SLC39A9: variants seen among roughly 807,000 people sequenced by gnomAD.
SLC39A9 encodes solute carrier family 39 member 9, also known as zinc transporter ZIP9.
Under a neutral mutation model 28.4 loss-of-function variants are expected in SLC39A9, and 14 were observed. The ratio of observed to expected loss-of-function variants is 0.49; its 90% confidence interval spans 0.33 to 0.77. The LOEUF is 0.77. Ranked by LOEUF, SLC39A9 falls within the 30% of genes least tolerant of loss-of-function variation. SLC39A9 has a pLI of 0.02. For synonymous variants in SLC39A9, 119 were observed against 149.6 expected, an observed-to-expected ratio of 0.80 and a Z score of 1.49; for missense variants, 283 against 381.1, an observed-to-expected ratio of 0.74 and a Z score of 2.14.
At chr14:69,448,269 A>AC (rs1442973970) in intron 3 of SLC39A9, among the ~76,000 whole-genome samples, 5 of 151,846 alleles carry the variant, frequency 3.3e-5, no homozygotes, top group Admixed American at 6.6e-5. Context: ...TTGAGCAGCA[A>AC]CCCAAAAGAC....
chr14:69,433,922 C>T (rs11624753), intron 2 of SLC39A9, among the ~76,000 whole-genome samples: 28,453 of 151,786 alleles, frequency 0.19, 2,800 homozygotes, highest in South Asian at 0.26. Flanking sequence ...GTAGCTGAAA[C>T]TACAGGCATG....
intron 3 of SLC39A9, among the ~76,000 whole-genome samples, chr14:69,445,709 C>T (rs1594942514): frequency 6.6e-6 from 1 of 152,228 alleles, no homozygotes; most frequent in East Asian, 1.9e-4. Context: ...TTATTAACTG[C>T]ATGGGGTGAG....
At chr14:69,400,229 C>T (rs1338608452) in intron 1 of SLC39A9, among the ~76,000 whole-genome samples, 1 of 152,200 alleles carries the variant, frequency 6.6e-6, no homozygotes, top group East Asian at 1.9e-4. Flanking sequence ...TTGTTCTTAA[C>T]TCACATTTCC....
intron 2 of SLC39A9, among the ~76,000 whole-genome samples, chr14:69,426,130 G>T (rs907568341): frequency 6.6e-6 from 1 of 152,186 alleles, no homozygotes. Flanking sequence ...CTACCAAGCA[G>T]TGGACACCAG....
intron 1 of SLC39A9, among the ~76,000 whole-genome samples, chr14:69,405,003 C>T (rs1240074909): frequency 6.6e-6 from 1 of 152,134 alleles, no homozygotes. Context: ...CAAACACATC[C>T]TTCTTCATGG....
chr14:69,439,429 A>G (rs550217604), intron 2 of SLC39A9, among the ~76,000 whole-genome samples: 65 of 152,360 alleles, frequency 4.3e-4, no homozygotes, highest in African/African-American at 1.4e-3. Context: ...GCTGAAAACT[A>G]TAAAACATTG....
At chr14:69,430,583 C>T (rs1884436832) in intron 2 of SLC39A9, among the ~76,000 whole-genome samples, 1 of 150,048 alleles carries the variant, frequency 6.7e-6, no homozygotes. Context: ...TATAGCAAAT[C>T]TTGAAATCAA....
At chr14:69,407,810 G>A (rs1883025936) in intron 1 of SLC39A9, among the ~76,000 whole-genome samples, 1 of 150,474 alleles carries the variant, frequency 6.6e-6, no homozygotes, top group Admixed American at 6.6e-5. Context: ...GGCTAGTTTT[G>A]TAGTTTTAGT....
intron 3 of SLC39A9, among the ~76,000 whole-genome samples, chr14:69,446,908 G>A: frequency 1.4e-5 from 2 of 146,744 alleles, no homozygotes. Context: ...AAAAAAAATG[G>A]GAATCCATGA....
rs149457691 is a variant in SLC39A9 at position 69,461,675 on chromosome 14, C to T, written c.*3082C>T. 1.3e-6 allele frequency: 2 copies of T among 1,535,748 alleles called. No individual in the cohort carries two copies. Among genetic ancestry groups the T allele is most frequent in the East Asian group, 2.4e-5 (1 of 40,914 alleles). On this transcript the variant is annotated 3_prime_UTR_variant, in exon 7 of 7. Transcript: ENST00000336643. ...ACCAGCCTACTTCTAAGTGTCACTG[C>T]CTGGTTTTTCTCTTTTTCAAGGATT...
chr14:69,436,677 T>C (rs907048850), intron 2 of SLC39A9, among the ~76,000 whole-genome samples: 2 of 152,132 alleles, frequency 1.3e-5, no homozygotes, highest in African/African-American at 4.8e-5. Flanking sequence ...ACTTGTGCCG[T>C]TTATACATAG....
intron 3 of SLC39A9, 65 bp downstream of exon 3, chr14:69,442,331 C>A: frequency 6.8e-7 from 1 of 1,470,914 alleles, no homozygotes; most frequent in South Asian, 1.2e-5. Context: ...TACAAACGAT[C>A]AAATATTTCA....
At chr14:69,411,379 A>C (rs1230738662) in intron 1 of SLC39A9, among the ~76,000 whole-genome samples, 1 of 152,200 alleles carries the variant, frequency 6.6e-6, no homozygotes, top group East Asian at 1.9e-4. Context: ...AACGGCATAG[A>C]GTGCAAGCTG....
chr14:69,444,665 G>A (rs184887743), intron 3 of SLC39A9, among the ~76,000 whole-genome samples: 4 of 152,230 alleles, frequency 2.6e-5, no homozygotes, highest in African/African-American at 9.6e-5. Context: ...CTCAAATACA[G>A]CTCCAATATG....
At chr14:69,432,242 A>G (rs1336447283) in intron 2 of SLC39A9, among the ~76,000 whole-genome samples, 1 of 152,118 alleles carries the variant, frequency 6.6e-6, no homozygotes, top group Non-Finnish European at 1.5e-5. Context: ...TGACTTTTTA[A>G]TAATATCCAT....
In SLC39A9 at chr14:69,461,246, A is replaced by C. The variant is rs780699974; in HGVS notation, c.*2653A>C. ...ATTTGACTCCGTTTCCTTGGTAGGG[A>C]TAGACTTTCTTCAGATTCCAAGTGC... On this transcript the variant is annotated 3_prime_UTR_variant, in exon 7 of 7. Coordinates refer to ENST00000336643, the MANE Select transcript of SLC39A9 (RefSeq NM_018375.5). The C allele has an allele frequency of 1.6e-5, 16 of 989,386 alleles. No homozygotes were observed. The highest frequency in any genetic ancestry group is 1.9e-5 in the Non-Finnish European group (16 of 832,632). 61.3% of individuals were successfully genotyped at this position (989,386 alleles called of 1,614,324 possible).
intron 1 of SLC39A9, among the ~76,000 whole-genome samples, chr14:69,418,919 G>A (rs35828634): frequency 0.15 from 22,177 of 151,936 alleles, 1,695 homozygotes; most frequent in East Asian, 0.18. Context: ...TCTTGCTAGC[G>A]GTCTATCAAT....
rs768295191 is a variant in SLC39A9, at chr14:69,458,715, G to C, written c.*122G>C. ...TTGCGCATCTCTACATGTATTCCTAGAGTCCAGAGGGGAGGTGAGGTTAAA... is the reference window on the plus strand; with the variant it reads ...TTGCGCATCTCTACATGTATTCCTACAGTCCAGAGGGGAGGTGAGGTTAAA... On this transcript the variant is annotated 3_prime_UTR_variant, in exon 7 of 7. Transcript: ENST00000336643. The C allele has an allele frequency of 4.9e-4, 699 of 1,422,680 alleles. No individual in the cohort carries two copies. Among genetic ancestry groups the C allele is most frequent in the Non-Finnish European group, 5.9e-4 (641 of 1,089,986 alleles). The allele number at this position is 1,422,680 out of a possible 1,614,324, so 88.1% of individuals were successfully genotyped here.
chr14:69,454,426 A>G (rs900582981), intron 4 of SLC39A9, among the ~76,000 whole-genome samples: 1 of 152,170 alleles, frequency 6.6e-6, no homozygotes, highest in African/African-American at 2.4e-5. Flanking sequence ...TTCTTAACCT[A>G]TAAGATTAAG....
Sources: allele counts gnomAD v4.1 joint callset (sites outside exome capture counted in the v4.1 genomes callset), GRCh38; gene constraint gnomAD v4.1.1; transcripts MANE v1.5; gene names NCBI Gene and HGNC (gene_info 2026-07-23, HGNC 2026-07-21).